The following CNTN5 variants were observed in gnomAD, a reference collection of about 807,000 sequenced individuals.
CNTN5 encodes contactin 5, also known as contactin-5.
In CNTN5, 77 loss-of-function variants were observed where a neutral mutation model predicts 129.1. That is an observed-to-expected ratio of 0.60 (90% CI 0.50 to 0.72). The LOEUF (loss-of-function observed/expected upper bound fraction) is 0.72, where lower values mean the gene tolerates loss of function less well. CNTN5 is among the 30% of genes least tolerant of loss of function. The pLI is 0.00. For synonymous variants in CNTN5, 509 were observed against 465.6 expected (o/e 1.09, Z -1.20); for missense variants, 1,478 against 1,328.8 (o/e 1.11, Z -1.75).
At chr11:100,071,097 C>T (rs1313029062) in intron 11 of CNTN5, among the ~76,000 whole-genome samples, 2 of 151,826 alleles carry the variant, frequency 1.3e-5, no homozygotes, top group Non-Finnish European at 2.9e-5. Context: ...CTTGAGGTTA[C>T]CTTAATTTGC....
intron 4 of CNTN5, among the ~76,000 whole-genome samples, chr11:99,838,099 A>G (rs1199724157): frequency 1.3e-5 from 2 of 152,156 alleles, no homozygotes; most frequent in African/African-American, 4.8e-5. Flanking sequence ...ATGGAGTAGA[A>G]TTGGGTAAAA....
intron 2 of CNTN5, among the ~76,000 whole-genome samples, chr11:99,473,514 C>T (rs1945253429): frequency 6.6e-6 from 1 of 151,860 alleles, no homozygotes; most frequent in African/African-American, 2.4e-5. Flanking sequence ...TTTAAATTCT[C>T]TTCTATGGGA....
At chr11:99,215,823 G>T (rs1198063554) in intron 1 of CNTN5, among the ~76,000 whole-genome samples, 1 of 152,082 alleles carries the variant, frequency 6.6e-6, no homozygotes, top group Admixed American at 6.6e-5. Context: ...TTGTTCAAAG[G>T]CAGGTTCTGA....
intron 2 of CNTN5, among the ~76,000 whole-genome samples, chr11:99,497,542 AG>A (rs1339890080): frequency 1.3e-5 from 2 of 152,192 alleles, no homozygotes; most frequent in East Asian, 1.9e-4. Flanking sequence ...AACATGGGCC[AG>A]GACAACTAAA....
intron 2 of CNTN5, among the ~76,000 whole-genome samples, chr11:99,463,151 A>T (rs1160762073): frequency 1.3e-5 from 2 of 150,612 alleles, no homozygotes; most frequent in Non-Finnish European, 1.5e-5. Context: ...AAATAAAAGT[A>T]AAAAAGTCCA....
At chr11:99,539,280 T>C (rs1948011623) in intron 2 of CNTN5, among the ~76,000 whole-genome samples, 2 of 152,112 alleles carry the variant, frequency 1.3e-5, no homozygotes, top group Admixed American at 1.3e-4. Context: ...ATTTTTACTA[T>C]TAAAAATCAT....
chr11:99,360,222 A>G (rs1053405765), intron 2 of CNTN5, among the ~76,000 whole-genome samples: 2 of 152,250 alleles, frequency 1.3e-5, no homozygotes, highest in East Asian at 3.9e-4. Context: ...GCTTTGCTGG[A>G]GGCAGTTCAT....
Position 99,876,187 on chromosome 11 carries a change from G to A in CNTN5, c.577+30925G>A, listed in dbSNP as rs11221726. Among the ~76,000 whole-genome samples, 216 of 152,162 alleles carry A rather than the reference G, an allele frequency of 1.4e-3. 6 individuals are homozygous for A. In the East Asian group the frequency reaches 0.037, roughly 26 times the overall value. On this transcript the variant is annotated intron_variant, in intron 6 of 24. Coordinates refer to ENST00000524871, the MANE Select transcript of CNTN5 (RefSeq NM_014361.4). Reference sequence around the variant, plus strand: ...TCCCTATGCCATGCGACCAACATCCGTAAGGAAACTCCTCACATTTCCTTA... The same window carrying A: ...TCCCTATGCCATGCGACCAACATCCATAAGGAAACTCCTCACATTTCCTTA...
At chr11:100,187,705 A>T (rs1331172492) in intron 13 of CNTN5, among the ~76,000 whole-genome samples, 1 of 152,190 alleles carries the variant, frequency 6.6e-6, no homozygotes, top group Admixed American at 6.5e-5. Flanking sequence ...TTCTTGGTCA[A>T]TAAATGGTGT....
chr11:99,289,281 G>A (rs1001175132), intron 1 of CNTN5, among the ~76,000 whole-genome samples: 4 of 151,264 alleles, frequency 2.6e-5, no homozygotes, highest in African/African-American at 9.7e-5. Context: ...ATTTTTTATT[G>A]AAGCCATTTA....
intron 2 of CNTN5, 87 bp downstream of exon 2, chr11:99,325,571 T>A (rs1865749235): frequency 6.6e-6 from 1 of 152,182 alleles, no homozygotes; most frequent in Non-Finnish European, 1.5e-5. Context: ...TTAATGGAGC[T>A]CCTAATACAA....
chr11:99,810,867 T>C (rs1165038913), intron 3 of CNTN5, among the ~76,000 whole-genome samples: 1 of 152,112 alleles, frequency 6.6e-6, no homozygotes, highest in East Asian at 1.9e-4. Flanking sequence ...GCTTGGATAT[T>C]GTATGTCTTC....
intron 1 of CNTN5, among the ~76,000 whole-genome samples, chr11:99,090,159 A>C (rs1214628577): frequency 2.0e-5 from 3 of 152,242 alleles, no homozygotes; most frequent in Non-Finnish European, 4.4e-5. Flanking sequence ...GTTCATTCAT[A>C]TGTCACTAAT....
chr11:99,431,679 C>CA (rs1467897397), intron 2 of CNTN5, among the ~76,000 whole-genome samples: 2 of 152,052 alleles, frequency 1.3e-5, no homozygotes, highest in Non-Finnish European at 2.9e-5. Context: ...TTGGTAAAAA[C>CA]AAAAAGTATC....
chr11:99,834,987 C>T (rs1337311955), intron 4 of CNTN5, among the ~76,000 whole-genome samples: 1 of 152,196 alleles, frequency 6.6e-6, no homozygotes. Flanking sequence ...AGTTTCCCTT[C>T]TTATATGTCT....
intron 3 of CNTN5, among the ~76,000 whole-genome samples, chr11:99,639,340 G>C (rs745577513): frequency 9.7e-4 from 147 of 152,166 alleles, no homozygotes; most frequent in Non-Finnish European, 1.8e-3. Context: ...GAATGGCCGT[G>C]AAGCTCTCTG....
chr11:100,069,835 C>G (rs777037455), intron 10 of CNTN5, among the ~76,000 whole-genome samples: 4 of 151,976 alleles, frequency 2.6e-5, no homozygotes, highest in Non-Finnish European at 4.4e-5. Context: ...TAACTTGTAT[C>G]TTAAGATTTC....
intron 3 of CNTN5, among the ~76,000 whole-genome samples, chr11:99,749,414 T>C (rs1046249410): frequency 2.0e-5 from 3 of 152,224 alleles, no homozygotes; most frequent in African/African-American, 7.2e-5. Context: ...TTAGTTACTA[T>C]ATGAAAAACC....
intron 3 of CNTN5, among the ~76,000 whole-genome samples, chr11:99,725,261 CA>C (rs1176947110): frequency 1.3e-5 from 2 of 151,872 alleles, no homozygotes; most frequent in African/African-American, 4.8e-5. Flanking sequence ...TAAAAAGCAA[CA>C]ATGAGATAAA....
Sources: allele counts gnomAD v4.1 joint callset (sites outside exome capture counted in the v4.1 genomes callset), GRCh38; gene constraint gnomAD v4.1.1; transcripts MANE v1.5; gene names NCBI Gene and HGNC (gene_info 2026-07-23, HGNC 2026-07-21).